The following GPR161 variants were observed in gnomAD, a reference collection of about 807,000 sequenced individuals.
GPR161 encodes the protein G-protein coupled receptor RE2.
GPR161 carries 25 observed loss-of-function variants against 39.2 expected under a neutral mutation model. The observed-to-expected ratio is 0.64, with a 90% confidence interval of 0.47 to 0.89. The LOEUF is 0.89. Ranked by LOEUF, GPR161 falls within the 40% of genes least tolerant of loss-of-function variation. The pLI, the probability that GPR161 is intolerant of heterozygous loss-of-function variation, is 0.00. For missense variants in GPR161, 547 were observed against 677.8 expected, an observed-to-expected ratio of 0.81 and a Z score of 2.14; for synonymous variants, 286 against 276.6, an observed-to-expected ratio of 1.03 and a Z score of -0.34.
At chr1:168,094,861 T>A (rs905817838) in intron 3 of GPR161, among the ~76,000 whole-genome samples, 6 of 152,202 alleles carry the variant, frequency 3.9e-5, no homozygotes, top group Admixed American at 2.6e-4. Context: ...TCCACAAATG[T>A]GTCCTGAGTC....
intron 1 of GPR161, among the ~76,000 whole-genome samples, chr1:168,118,177 C>G (rs1215032794): frequency 1.3e-5 from 2 of 152,180 alleles, no homozygotes; most frequent in Non-Finnish European, 2.9e-5. Flanking sequence ...TCCAAAGACA[C>G]TATCAACAGA....
rs1694288109 is a variant in GPR161 at position 168,084,459 on chromosome 1, A to G, written c.*1072T>C. 7.0e-6 allele frequency: 2 copies of G among 286,246 alleles called. No homozygotes were observed. Among genetic ancestry groups the G allele is most frequent in the South Asian group, 6.5e-5 (2 of 30,740 alleles). The allele number at this position is 286,246 out of a possible 1,614,324, so 17.7% of individuals were successfully genotyped here. The stretch of plus-strand genomic sequence containing the variant: ...GACCTAGAAAGGTGACAAGATGTCC[A>G]AATGACATGTGCACACAAAGACAGA... On this transcript the variant is annotated 3_prime_UTR_variant, in exon 6 of 6. Transcript: ENST00000682931.
chr1:168,105,025 C>T (rs116452428), intron 1 of GPR161, 131 bp from the exon 2 acceptor site: 7 of 654,174 alleles, frequency 1.1e-5, no homozygotes, highest in Admixed American at 2.9e-5. Flanking sequence ...AGACTCTCAG[C>T]GGGTCTTCCC....
chr1:168,097,345 C>T, intron 2 of GPR161, 113 bp from the exon 3 acceptor site: 3 of 1,100,644 alleles, frequency 2.7e-6, no homozygotes, highest in Non-Finnish European at 3.9e-6. Flanking sequence ...AAAGCAGCAC[C>T]TTCTCCCAAG....
chr1:168,132,720 T>G (rs1455155787), intron 1 of GPR161, among the ~76,000 whole-genome samples: 1 of 152,152 alleles, frequency 6.6e-6, no homozygotes, highest in African/African-American at 2.4e-5. Context: ...AGGCACATTT[T>G]TAGGTTTGTT....
intron 1 of GPR161, among the ~76,000 whole-genome samples, chr1:168,120,520 G>A (rs373741315): frequency 6.6e-6 from 1 of 152,188 alleles, no homozygotes; most frequent in African/African-American, 2.4e-5. Context: ...GACCATGGGG[G>A]ACTGTTGGGA....
chr1:168,127,362 G>A (rs1698669017), intron 1 of GPR161, among the ~76,000 whole-genome samples: 1 of 151,928 alleles, frequency 6.6e-6, no homozygotes, highest in South Asian at 2.1e-4. Context: ...GTGGGCACCT[G>A]TAATCCCAGC....
intron 1 of GPR161, among the ~76,000 whole-genome samples, chr1:168,112,180 C>T (rs940357639): frequency 4.6e-5 from 7 of 152,042 alleles, no homozygotes; most frequent in Non-Finnish European, 7.4e-5. Context: ...CAAGAATCAA[C>T]TGTTAGAAAA....
In GPR161 at chr1:168,135,420, C is replaced by A. The variant is rs1171342502; in HGVS notation, c.-45+1319G>T. Among the ~76,000 whole-genome samples the A allele has an allele frequency of 2.6e-5, 4 of 152,086 alleles. No homozygotes were observed. The East Asian group carries it at 5.8e-4, about 22-fold the overall frequency. ...AAATAAGACGGGTGTGGAGGAGGAC[C>A]GGAAGAGAGGTGCTCTGAAAGAAGT... On this transcript the variant is annotated intron_variant, in intron 1 of 5. Coordinates refer to ENST00000682931, the MANE Select transcript of GPR161 (RefSeq NM_001375883.1).
rs1696416236 is a variant in GPR161, at chr1:168,104,581, G to A, written c.270C>T (p.Arg90=). Residue 90 remains arginine, a synonymous_variant, in exon 2 of 6, where the codon CGC becomes CGT. Transcript: ENST00000682931. ...VLPFVVTSSI[R]REWIFGVVWC... ...ACACTACACCAAAGATCCATTCCCT[G>A]CGGATGGAGCTCGTCACCACAAAAG... The A allele has an allele frequency of 1.2e-6, 2 of 1,613,964 alleles. No homozygotes were observed. Among genetic ancestry groups the A allele is most frequent in the African/African-American group, 1.3e-5 (1 of 75,034 alleles).
chr1:168,116,582 T>C (rs901443867), intron 1 of GPR161, among the ~76,000 whole-genome samples: 3 of 152,186 alleles, frequency 2.0e-5, no homozygotes, highest in Admixed American at 2.0e-4. Flanking sequence ...ACACAGCTCG[T>C]TGAGAGGCAG....
Position 168,096,496 on chromosome 1 carries a change from T to A in GPR161, c.1099+12A>T. 1.9e-6 allele frequency: 3 copies of A among 1,609,410 alleles called. No individual in the cohort carries two copies. The South Asian group carries it at 3.3e-5, about 18-fold the overall frequency. The stretch of plus-strand genomic sequence containing the variant: ...TGCCTCGGAGGGGCTATCCTAACAA[T>A]GCCCAAGTTACCTGTGATCCTGTTG... On this transcript the variant is annotated intron_variant, in intron 3 of 5. Transcript: ENST00000682931.
intron 1 of GPR161, among the ~76,000 whole-genome samples, chr1:168,117,503 C>T (rs573651143): frequency 5.9e-5 from 9 of 152,210 alleles, no homozygotes; most frequent in Non-Finnish European, 7.4e-5. Flanking sequence ...TTACTTAACC[C>T]CCCCCTGCAT....
chr1:168,117,657 C>T (rs1697749072), intron 1 of GPR161, among the ~76,000 whole-genome samples: 1 of 152,192 alleles, frequency 6.6e-6, no homozygotes, highest in Non-Finnish European at 1.5e-5. Context: ...GAAACTGAGG[C>T]TCAGAAAGGT....
intron 3 of GPR161, among the ~76,000 whole-genome samples, chr1:168,096,042 G>A (rs1355142098): frequency 3.4e-5 from 5 of 148,930 alleles, no homozygotes; most frequent in Non-Finnish European, 4.4e-5. Context: ...GCTGAGGCAC[G>A]AGGATCACTT....
Position 168,104,583 on chromosome 1 carries a change from G to A in GPR161, c.268C>T (p.Arg90Cys), listed in dbSNP as rs745783009. 5.6e-5 allele frequency: 90 copies of A among 1,613,790 alleles called. 1 individual carries two copies. The highest frequency in any genetic ancestry group is 1.2e-4 in the Admixed American group (7 of 59,932). Residue 90 changes from arginine (R) to cysteine (C), a missense_variant, in exon 2 of 6, where the codon CGC (arginine) becomes TGC (cysteine). By Grantham distance (180) the Arg-to-Cys change is radical. Transcript: ENST00000682931. Reference sequence around the variant, plus strand: ...ACTACACCAAAGATCCATTCCCTGCGGATGGAGCTCGTCACCACAAAAGGC... The same window carrying A: ...ACTACACCAAAGATCCATTCCCTGCAGATGGAGCTCGTCACCACAAAAGGC... ...VLPFVVTSSIRREWIFGVVWC... is the reference protein window; with the variant it reads ...VLPFVVTSSICREWIFGVVWC...
At chr1:168,102,517 T>A (rs1365610627) in intron 2 of GPR161, among the ~76,000 whole-genome samples, 3 of 152,150 alleles carry the variant, frequency 2.0e-5, no homozygotes, top group Non-Finnish European at 4.4e-5. Context: ...CAACCAATAT[T>A]TCCAGTGTGA....
intron 1 of GPR161, among the ~76,000 whole-genome samples, chr1:168,131,225 CCCCCCACA>C: frequency 6.6e-6 from 1 of 151,668 alleles, no homozygotes; most frequent in South Asian, 2.1e-4. Context: ...CCCACCCTTA[CCCCCCACA>C]CCAATCTCTC....
At chr1:168,110,501 T>A (rs1422074487) in intron 1 of GPR161, among the ~76,000 whole-genome samples, 1 of 28,092 alleles carries the variant, frequency 3.6e-5, no homozygotes, top group East Asian at 5.7e-4. Context: ...CCTGTCAACA[T>A]TAAAAAAGAA....
Sources: allele counts gnomAD v4.1 joint callset (sites outside exome capture counted in the v4.1 genomes callset), GRCh38; gene constraint gnomAD v4.1.1; transcripts MANE v1.5; gene names NCBI Gene and HGNC (gene_info 2026-07-23, HGNC 2026-07-21).